TLN2: variants seen among roughly 807,000 people sequenced by gnomAD.
The protein encoded by TLN2 is talin 2.
TLN2 carries 118 observed loss-of-function variants against 294.7 expected under a neutral mutation model. The ratio of observed to expected loss-of-function variants is 0.40; its 90% CI spans 0.34 to 0.47. The LOEUF (loss-of-function observed/expected upper bound fraction) is 0.47. Ranked by LOEUF, TLN2 falls within the 20% of genes least tolerant of loss-of-function variation. The probability of loss-of-function intolerance (pLI) is 0.84; values close to 1 mark genes in which losing one functional copy is unlikely to be tolerated. For synonymous variants in TLN2, 1,431 were observed against 1,304.5 expected (o/e 1.10, Z -2.09); for missense variants, 3,083 against 3,282.2 (o/e 0.94, Z 1.48).
chr15:62,821,601 T>G (rs1172456169), intron 54 of TLN2, among the ~76,000 whole-genome samples: 4 of 152,224 alleles, frequency 2.6e-5, no homozygotes, highest in Non-Finnish European at 5.9e-5. Context: ...TTGGGAACAT[T>G]ATTAAAACCT....
chr15:62,409,849 G>A (rs2033656276), intron 1 of TLN2, among the ~76,000 whole-genome samples: 1 of 152,182 alleles, frequency 6.6e-6, no homozygotes, highest in Non-Finnish European at 1.5e-5. Context: ...TAAGTTCTGT[G>A]CTTTGCAGAT....
intron 9 of TLN2, among the ~76,000 whole-genome samples, chr15:62,673,474 T>TA (rs1461875555): frequency 2.0e-5 from 3 of 151,850 alleles, no homozygotes; most frequent in Admixed American, 2.0e-4. Context: ...TATTATTTTT[T>TA]AAAAATACGT....
chr15:62,678,629 G>A (rs1477282152), intron 11 of TLN2, among the ~76,000 whole-genome samples: 1 of 152,082 alleles, frequency 6.6e-6, no homozygotes, highest in African/African-American at 2.4e-5. Flanking sequence ...TCAGGAGTTC[G>A]AGACCAGCCT....
At chr15:62,820,378 C>G in intron 53 of TLN2, 108 bp from the exon 54 acceptor site, 4 of 1,229,370 alleles carry the variant, frequency 3.3e-6, no homozygotes, top group Non-Finnish European at 4.3e-6. Context: ...CAATGCAGGT[C>G]AGGCTCCTGG....
At chr15:62,716,229 C>G in intron 22 of TLN2, 102 bp from the exon 23 acceptor site, 1 of 1,280,948 alleles carries the variant, frequency 7.8e-7, no homozygotes, top group Non-Finnish European at 1.0e-6. Context: ...TTTGACTATC[C>G]TTGCAAATGC....
chr15:62,735,474 A>G (rs1259321546), intron 28 of TLN2, among the ~76,000 whole-genome samples: 2 of 152,350 alleles, frequency 1.3e-5, no homozygotes, highest in East Asian at 3.9e-4. Context: ...CATTAAGTAC[A>G]TGCAAAGATG....
At chr15:62,836,118 GGTAA>G (rs2069524761) in intron 57 of TLN2, 45 bp downstream of exon 57, 2 of 1,559,234 alleles carry the variant, frequency 1.3e-6, no homozygotes, top group Non-Finnish European at 1.7e-6. Flanking sequence ...TGTTGGAGCG[GGTAA>G]GTGTCACCAG....
intron 52 of TLN2, among the ~76,000 whole-genome samples, chr15:62,815,233 T>A (rs111424089): frequency 5.9e-4 from 73 of 124,230 alleles, no homozygotes; most frequent in African/African-American, 2.0e-3. Flanking sequence ...ACACACACAC[T>A]CACTCGCTCT....
intron 3 of TLN2, among the ~76,000 whole-genome samples, chr15:62,630,238 A>G (rs1159832086): frequency 6.6e-6 from 1 of 152,220 alleles, no homozygotes; most frequent in Non-Finnish European, 1.5e-5. Flanking sequence ...GCCAGATTTT[A>G]GGTATCAGAA....
At chr15:62,575,600 T>TAAAAA (rs529499340) in intron 1 of TLN2, among the ~76,000 whole-genome samples, 4,035 of 96,412 alleles carry the variant, frequency 0.042, 178 homozygotes, top group African/African-American at 0.1. Flanking sequence ...TGGAATCACT[T>TAAAAA]AAAAAACACA....
chr15:62,572,626 C>T (rs114991647), intron 1 of TLN2, among the ~76,000 whole-genome samples: 2,039 of 152,304 alleles, frequency 0.013, 45 homozygotes, highest in African/African-American at 0.047. Flanking sequence ...TCTGGATGTA[C>T]GTAAAAATGT....
rs149562080 is a variant in TLN2 at position 62,404,087 on chromosome 15, C to A, written c.-238+13402C>A. 3.9e-4 allele frequency among the ~76,000 whole-genome samples: 60 copies of A among 152,272 alleles called. 1 individual carries two copies. Among genetic ancestry groups the A allele is most frequent in the Middle Eastern group, 3.4e-3 (1 of 294 alleles). On this transcript the variant is annotated intron_variant, in intron 1 of 58. Transcript: ENST00000636159. The stretch of plus-strand genomic sequence containing the variant: ...TTGGATGAGGGAATGGAAGTCTTTT[C>A]CAGACTTGAGCTAAGGAAGAGCATA...
intron 12 of TLN2, among the ~76,000 whole-genome samples, chr15:62,687,222 A>G (rs1307648113): frequency 6.6e-6 from 1 of 152,186 alleles, no homozygotes; most frequent in Non-Finnish European, 1.5e-5. Context: ...CAGCCTGCCT[A>G]GAAAGAGAGC....
chr15:62,783,908 C>T lies in TLN2; in HGVS notation c.5736+18C>T. Reference sequence around the variant, plus strand: ...CAGAGGAGGTCTGCCACCTTAAGACCCCTATTTTAAGATGCACACACACAC... The same window carrying T: ...CAGAGGAGGTCTGCCACCTTAAGACTCCTATTTTAAGATGCACACACACAC... On this transcript the variant is annotated intron_variant, in intron 45 of 58. Coordinates refer to ENST00000636159, the MANE Select transcript of TLN2 (RefSeq NM_015059.3). 1 of 1,613,354 alleles carries T rather than the reference C, an allele frequency of 6.2e-7. No homozygotes were observed. Among genetic ancestry groups the T allele is most frequent in the East Asian group, 2.2e-5 (1 of 44,874 alleles).
chr15:62,477,534 G>T (rs1398377049), intron 1 of TLN2, among the ~76,000 whole-genome samples: 2 of 152,098 alleles, frequency 1.3e-5, no homozygotes, highest in Non-Finnish European at 2.9e-5. Flanking sequence ...TCCTCCTTAA[G>T]GTTATCATAG....
At chr15:62,423,051 C>T (rs927132152) in intron 1 of TLN2, among the ~76,000 whole-genome samples, 4 of 152,210 alleles carry the variant, frequency 2.6e-5, no homozygotes, top group African/African-American at 9.6e-5. Flanking sequence ...AAGAGGTTAT[C>T]CTGATGCTGC....
At chr15:62,439,860 A>T (rs1471743534) in intron 1 of TLN2, among the ~76,000 whole-genome samples, 1 of 152,148 alleles carries the variant, frequency 6.6e-6, no homozygotes, top group Non-Finnish European at 1.5e-5. Flanking sequence ...GCCATTAATT[A>T]GGGGCAAGAA....
intron 1 of TLN2, among the ~76,000 whole-genome samples, chr15:62,576,839 A>G (rs1018131484): frequency 4.6e-5 from 7 of 152,112 alleles, no homozygotes; most frequent in African/African-American, 1.7e-4. Flanking sequence ...CTGAGAACAT[A>G]AATAGGGAAG....
intron 1 of TLN2, among the ~76,000 whole-genome samples, chr15:62,579,709 A>T (rs1596222902): frequency 6.6e-6 from 1 of 152,146 alleles, no homozygotes; most frequent in South Asian, 2.1e-4. Flanking sequence ...TTCATTACAG[A>T]TGACAGAGTT....
Sources: gnomAD v4.1 joint callset for allele counts (sites outside exome capture counted in the v4.1 genomes callset) on GRCh38, gnomAD v4.1.1 for gene constraint, MANE v1.5 for transcripts, NCBI Gene and HGNC (gene_info 2026-07-23, HGNC 2026-07-21) for gene names.